Variants in TESMIN observed in about 807,000 individuals in gnomAD.
TESMIN encodes the protein CXC domain containing 2.
Under a neutral mutation model 47.4 loss-of-function variants are expected in TESMIN, and 34 were observed. The ratio of observed to expected loss-of-function variants is 0.72; its 90% CI spans 0.55 to 0.96. TESMIN has a LOEUF of 0.96. Among genes scored for constraint, TESMIN ranks in the 40% least tolerant of loss-of-function variants. TESMIN has a pLI of 0.00. For synonymous variants in TESMIN, 278 were observed against 258.9 expected (o/e 1.07, Z -0.71); for missense variants, 610 against 637.2 (o/e 0.96, Z 0.46).
intron 6 of TESMIN, among the ~76,000 whole-genome samples, chr11:68,732,238 C>T (rs1946336602): frequency 6.6e-6 from 1 of 152,186 alleles, no homozygotes; most frequent in East Asian, 1.9e-4. Flanking sequence ...ACCGAGTGCC[C>T]TCGTGATGGT....
chr11:68,751,252 AG>A (rs1215847917), intron 1 of TESMIN, among the ~76,000 whole-genome samples, 167 bp downstream of exon 1: 14 of 27,070 alleles, frequency 5.2e-4, no homozygotes, highest in Admixed American at 7.4e-4. Context: ...CAGCCAGGGG[AG>A]GGGGGGCCAG....
At chr11:68,728,498 G>A (rs997188730) in intron 6 of TESMIN, among the ~76,000 whole-genome samples, 61 of 152,254 alleles carry the variant, frequency 4.0e-4, no homozygotes, top group Non-Finnish European at 1.0e-4. Context: ...AGTTCTGATG[G>A]AGAAGCTGCA....
chr11:68,721,489 C>A (rs1159343101), intron 6 of TESMIN, among the ~76,000 whole-genome samples: 1 of 152,154 alleles, frequency 6.6e-6, no homozygotes, highest in Admixed American at 6.5e-5. Flanking sequence ...TCCACTCCGA[C>A]CTTTAATTAC....
chr11:68,743,322 T>G (rs1341516235), intron 4 of TESMIN, among the ~76,000 whole-genome samples: 1 of 147,158 alleles, frequency 6.8e-6, no homozygotes, highest in Non-Finnish European at 1.5e-5. Context: ...CACTGCAGCC[T>G]CAGCCTCAAC....
intron 6 of TESMIN, among the ~76,000 whole-genome samples, chr11:68,730,672 A>G (rs992687509): frequency 1.8e-4 from 27 of 151,840 alleles, no homozygotes; most frequent in African/African-American, 6.3e-4. Flanking sequence ...GCGGGCACCT[A>G]TAATCTCAGC....
intron 2 of TESMIN, among the ~76,000 whole-genome samples, chr11:68,748,908 T>C (rs1244029978): frequency 1.3e-5 from 2 of 152,214 alleles, no homozygotes; most frequent in Admixed American, 1.3e-4. Flanking sequence ...CAATCTCGGC[T>C]CACTGCAGCC....
At chr11:68,724,947 C>T (rs1268773667) in intron 6 of TESMIN, among the ~76,000 whole-genome samples, 1 of 151,982 alleles carries the variant, frequency 6.6e-6, no homozygotes, top group Admixed American at 6.6e-5. Context: ...TGCCCCAGAC[C>T]AGAACTTCCA....
chr11:68,712,318 C>T (rs942718791), intron 8 of TESMIN, among the ~76,000 whole-genome samples: 1 of 152,220 alleles, frequency 6.6e-6, no homozygotes, highest in African/African-American at 2.4e-5. Flanking sequence ...CTGTGCATCT[C>T]TGTCGTGTTT....
chr11:68,714,973 G>A (rs1412731864), intron 7 of TESMIN, among the ~76,000 whole-genome samples: 5 of 152,120 alleles, frequency 3.3e-5, no homozygotes, highest in Non-Finnish European at 5.9e-5. Context: ...GTTTACATGC[G>A]TGACAATTTT....
chr11:68,712,037 C>T (rs1025559642), intron 8 of TESMIN, among the ~76,000 whole-genome samples: 4 of 152,226 alleles, frequency 2.6e-5, no homozygotes, highest in African/African-American at 9.6e-5. Context: ...CAGGGGGATG[C>T]GTTCTGTTTC....
intron 6 of TESMIN, chr11:68,736,909 C>T (rs1019892592): frequency 1.9e-5 from 19 of 985,292 alleles, no homozygotes; most frequent in Non-Finnish European, 2.3e-5. Context: ...GACTGCTGCT[C>T]TGTGCAAATG....
chr11:68,741,716 G>T (rs746683697), intron 5 of TESMIN, among the ~76,000 whole-genome samples: 2 of 152,122 alleles, frequency 1.3e-5, no homozygotes, highest in African/African-American at 2.4e-5. Flanking sequence ...CTGCCCCTAT[G>T]GAGCCTGCAT....
chr11:68,708,198 G>A lies in TESMIN; in HGVS notation c.*110C>T. 4 of 1,103,920 alleles carry A rather than the reference G, an allele frequency of 3.6e-6. No homozygotes were observed. Among genetic ancestry groups the A allele is most frequent in the Non-Finnish European group, 3.9e-6 (3 of 766,754 alleles). 68.4% of individuals were successfully genotyped at this position (1,103,920 alleles called of 1,614,324 possible). A position where few individuals can be genotyped will look rare whatever the true frequency, so the allele number is the denominator to read the frequency against. On this transcript the variant is annotated 3_prime_UTR_variant, in exon 10 of 10. Transcript: ENST00000255087. Reference sequence around the variant, plus strand: ...TAAACTCCCTGGGCCCAGGGATGCAGGGGAGCCTGGTTGTTGCTGCAGAGC... The same window carrying A: ...TAAACTCCCTGGGCCCAGGGATGCAAGGGAGCCTGGTTGTTGCTGCAGAGC...
intron 6 of TESMIN, among the ~76,000 whole-genome samples, chr11:68,716,371 C>T (rs779907798): frequency 6.6e-6 from 1 of 152,234 alleles, no homozygotes. Flanking sequence ...CTTCACCAGA[C>T]CTTGACTTTG....
intron 3 of TESMIN, among the ~76,000 whole-genome samples, chr11:68,746,091 A>G (rs1946516824): frequency 6.6e-6 from 1 of 152,340 alleles, no homozygotes; most frequent in East Asian, 1.9e-4. Flanking sequence ...AATATTCCAC[A>G]TCATCCTGAC....
chr11:68,708,843 C>G (rs1946028604), intron 9 of TESMIN, among the ~76,000 whole-genome samples: 1 of 151,550 alleles, frequency 6.6e-6, no homozygotes, highest in Non-Finnish European at 1.5e-5. Flanking sequence ...ACCTCCAACT[C>G]CCTGGTTCAA....
chr11:68,730,477 T>A (rs1009144414), intron 6 of TESMIN, among the ~76,000 whole-genome samples: 53 of 152,344 alleles, frequency 3.5e-4, no homozygotes, highest in African/African-American at 1.3e-3. Flanking sequence ...TTTGTAACAG[T>A]GCTGGAAAGG....
intron 6 of TESMIN, among the ~76,000 whole-genome samples, chr11:68,731,118 T>A (rs918059282): frequency 6.6e-6 from 1 of 152,032 alleles, no homozygotes; most frequent in African/African-American, 2.4e-5. Flanking sequence ...GGTGTGGAGG[T>A]TCCCCCAGGA....
chr11:68,727,774 T>C (rs1229724353), intron 6 of TESMIN, among the ~76,000 whole-genome samples: 4 of 152,234 alleles, frequency 2.6e-5, no homozygotes, highest in Non-Finnish European at 5.9e-5. Context: ...ATCATATTCC[T>C]GTAATTCTTG....
Sources: gnomAD v4.1 joint callset for allele counts (sites outside exome capture counted in the v4.1 genomes callset) on GRCh38, gnomAD v4.1.1 for gene constraint, MANE v1.5 for transcripts, NCBI Gene and HGNC (gene_info 2026-07-23, HGNC 2026-07-21) for gene names.